HSPG2: variants seen among roughly 807,000 people sequenced by gnomAD.
HSPG2 encodes heparan sulfate proteoglycan 2.
In HSPG2, 278 loss-of-function variants were observed where a neutral mutation model predicts 526.6. The ratio of observed to expected loss-of-function variants is 0.53; its 90% CI spans 0.48 to 0.58. HSPG2 has a LOEUF of 0.58. Among genes scored for constraint, HSPG2 ranks in the 20% least tolerant of loss-of-function variants. The pLI is 0.00. For synonymous variants in HSPG2, 2,465 were observed against 2,555.4 expected, an observed-to-expected ratio of 0.96 and a Z score of 1.07; for missense variants, 5,354 against 6,099.5, an observed-to-expected ratio of 0.88 and a Z score of 4.07.
chr1:21,835,738 C>G, intron 75 of HSPG2, 101 bp from the exon 76 acceptor site: 1 of 826,166 alleles, frequency 1.2e-6, no homozygotes, highest in South Asian at 1.4e-5. Flanking sequence ...AATCCCAGCA[C>G]TTTGGGAGGC....
chr1:21,910,958 G>C (rs1447308780), intron 1 of HSPG2, among the ~76,000 whole-genome samples: 1 of 152,186 alleles, frequency 6.6e-6, no homozygotes, highest in African/African-American at 2.4e-5. Flanking sequence ...AAATGGCCAA[G>C]CTGGGAGTCA....
At chr1:21,896,768 T>C (rs1553175455) in intron 1 of HSPG2, among the ~76,000 whole-genome samples, 1 of 152,100 alleles carries the variant, frequency 6.6e-6, no homozygotes, top group Non-Finnish European at 1.5e-5. Flanking sequence ...GGCGAGCTGC[T>C]CAAAGCCGTT....
At chr1:21,833,979 C>T in intron 77 of HSPG2, 54 bp from the exon 78 acceptor site, 1 of 1,183,636 alleles carries the variant, frequency 8.4e-7, no homozygotes, top group Non-Finnish European at 1.2e-6. Context: ...CAGATATGTG[C>T]CCAGCCTGCA....
intron 1 of HSPG2, among the ~76,000 whole-genome samples, chr1:21,932,290 G>A (rs1020810732): frequency 1.3e-5 from 2 of 152,166 alleles, no homozygotes; most frequent in African/African-American, 4.8e-5. Context: ...AGTACGTGGC[G>A]TGATTAGGAG....
chr1:21,860,307 C>T lies in HSPG2; in HGVS notation c.4956-72G>A. On this transcript the variant is annotated intron_variant, in intron 39 of 96. Coordinates refer to ENST00000374695, the MANE Select transcript of HSPG2 (RefSeq NM_005529.7). ...AGTGCCTCATGGTGGACTTGGGGAG[C>T]CAGAAGCTCAGCAGGCCACCCAATG... The T allele has an allele frequency of 2.1e-6, 3 of 1,440,746 alleles. No individual in the cohort carries two copies. In the South Asian group the frequency reaches 3.6e-5, roughly 18 times the overall value. The allele number at this position is 1,440,746 out of a possible 1,614,324, so 89.2% of individuals were successfully genotyped here. A position where few individuals can be genotyped will look rare whatever the true frequency, so the allele number is the denominator to read the frequency against.
rs202182041 is a variant in HSPG2, at chr1:21,889,848, G to A, written c.574+133C>T. On this transcript the variant is annotated intron_variant, in intron 6 of 96. Transcript: ENST00000374695. ...AGCCAAGATTGTGTAAAGATCGATG[G>A]GGCAGACTCAGGAGTAGTGAGCTCC... 3.2e-5 allele frequency: 29 copies of A among 902,340 alleles called. No homozygotes were observed. In the East Asian group the frequency reaches 7.0e-4, roughly 22 times the overall value. The allele number at this position is 902,340 out of a possible 1,614,324, so 55.9% of individuals were successfully genotyped here.
intron 1 of HSPG2, among the ~76,000 whole-genome samples, chr1:21,907,569 G>C (rs532534290): frequency 3.3e-4 from 50 of 152,246 alleles, no homozygotes; most frequent in African/African-American, 1.1e-3. Context: ...GTTCTGCTCT[G>C]TCGCCCAGGC....
chr1:21,917,910 G>A (rs1643926993), intron 1 of HSPG2, among the ~76,000 whole-genome samples: 1 of 151,690 alleles, frequency 6.6e-6, no homozygotes, highest in East Asian at 1.9e-4. Flanking sequence ...CTCTCCTGCT[G>A]GAACCAAAGC....
At chr1:21,861,486 TA>T (rs34107180) in intron 39 of HSPG2, among the ~76,000 whole-genome samples, 4 of 16,254 alleles carry the variant, frequency 2.5e-4, no homozygotes, top group African/African-American at 2.9e-4. Flanking sequence ...TGTCTCAGTT[TA>T]AAAAAAAAAA....
chr1:21,855,557 C>T lies in HSPG2; in HGVS notation c.5820G>A (p.Gly1940=), dbSNP rs1312711941. 3 of 1,603,294 alleles carry T rather than the reference C, an allele frequency of 1.9e-6. No individual in the cohort carries two copies. The African/African-American group carries it at 4.0e-5, about 21-fold the overall frequency. ...QYLCRAHSSA[G]QQVARAVLHV... ...GGAGCACAGCCCTGGCCACCTGCTGCCCAGCGCTGCTGTGGGCTCGGCACA... is the reference window on the plus strand; with the variant it reads ...GGAGCACAGCCCTGGCCACCTGCTGTCCAGCGCTGCTGTGGGCTCGGCACA... The change falls in exon 46 of 97, where the codon GGG becomes GGA. Residue 1940 remains glycine (G), a synonymous_variant. Coordinates refer to ENST00000374695, the MANE Select transcript of HSPG2 (RefSeq NM_005529.7).
At chr1:21,900,954 T>C in intron 1 of HSPG2, among the ~76,000 whole-genome samples, 1 of 151,916 alleles carries the variant, frequency 6.6e-6, no homozygotes, top group South Asian at 2.1e-4. Flanking sequence ...CTATTCAGAG[T>C]GTGTTCACTC....
At position 21,889,977 on chromosome 1, in the gene HSPG2, T is replaced by C; in HGVS notation, c.574+4A>G. 6.2e-7 allele frequency: 1 copy of C among 1,613,896 alleles called. No individual in the cohort carries two copies. The highest frequency in any genetic ancestry group is 8.5e-7 in the Non-Finnish European group (1 of 1,179,916). On this transcript the variant is annotated splice_donor_region_variant and intron_variant, in intron 6 of 96. Transcript: ENST00000374695. ...GGCGATCCCAGACACCAGGATAGGC[T>C]CACCTGTGCCCAGGCGTCGGAACTG...
intron 1 of HSPG2, among the ~76,000 whole-genome samples, chr1:21,935,463 T>C (rs1644464540): frequency 6.6e-6 from 1 of 152,220 alleles, no homozygotes. Flanking sequence ...GGTTCACTGG[T>C]TCACTGGCAC....
At position 21,865,014 on chromosome 1, in the gene HSPG2, C is replaced by T. The variant is rs766165067; in HGVS notation, c.4455G>A (p.Leu1485=). Residue 1485 remains leucine (L), a synonymous_variant, in exon 36 of 97, where the codon CTG becomes CTA. Coordinates refer to ENST00000374695, the MANE Select transcript of HSPG2 (RefSeq NM_005529.7). The surrounding 1 kb of genome is among the most constrained non-coding windows in gnomAD (Gnocchi z 5.4). ...GGATCAGGAGCTCATCCAGGTCGGC[C>T]AGTGCCATCAGGAGGTGCTCGCGTG... The part of the protein sequence containing the change: ...PATREHLLMA[L]ADLDELLIRA... The T allele has an allele frequency of 4.4e-6, 7 of 1,577,516 alleles. No homozygotes were observed. The highest frequency in any genetic ancestry group is 6.0e-6 in the Non-Finnish European group (7 of 1,164,156).
In HSPG2 at chr1:21,838,832, G is replaced by C; in HGVS notation, c.10143C>G (p.Leu3381=). The C allele has an allele frequency of 6.2e-7, 1 of 1,612,076 alleles. No homozygotes were observed. Among genetic ancestry groups the C allele is most frequent in the Non-Finnish European group, 8.5e-7 (1 of 1,179,578 alleles). Residue 3381 remains leucine, a synonymous_variant, in exon 74 of 97, where the codon CTC becomes CTG. Transcript: ENST00000374695. ...AGAGCCGGGGCTGCTTACCTTGGACGAGCAGCTGGGCAAAGGCCTCGGCTG... is the reference window on the plus strand; with the variant it reads ...AGAGCCGGGGCTGCTTACCTTGGACCAGCAGCTGGGCAAAGGCCTCGGCTG... ...VGSAEAFAQL[L]VQGPPGSLPA... is the part of the protein sequence containing the mutation.
chr1:21,880,309 C>A (rs1303385948), intron 16 of HSPG2, 54 bp downstream of exon 16: 1 of 1,613,662 alleles, frequency 6.2e-7, no homozygotes, highest in Non-Finnish European at 8.5e-7. Context: ...CCTGCCGTTT[C>A]TCCTCTATCC....
rs946915467 is a variant in HSPG2, at chr1:21,898,766, G to T, written c.64-2456C>A. On this transcript the variant is annotated intron_variant, in intron 1 of 96. Transcript: ENST00000374695. This position sits in a 1 kb window ranked among gnomAD's most constrained non-coding sequence, Gnocchi z 4.0. ...AGGGGTCCCCTCAACCTGGTGGGGG[G>T]CTCTGTCAATGCCAATCCCCCTCTC... Among the ~76,000 whole-genome samples, 3 of 152,200 alleles carry T rather than the reference G, an allele frequency of 2.0e-5. No individual in the cohort carries two copies. Among genetic ancestry groups the T allele is most frequent in the Admixed American group, 6.5e-5 (1 of 15,284 alleles).
chr1:21,929,064 C>G (rs527662020), intron 1 of HSPG2, among the ~76,000 whole-genome samples: 46 of 152,296 alleles, frequency 3.0e-4, no homozygotes, highest in African/African-American at 1.1e-3. Context: ...CCCAGCCTCA[C>G]TTGAAGTTTT....
rs1341298449 is a variant in HSPG2 at position 21,823,411 on chromosome 1, G to A, written c.13081C>T (p.Leu4361=). 2 of 1,580,536 alleles carry A rather than the reference G, an allele frequency of 1.3e-6. No homozygotes were observed. The highest frequency in any genetic ancestry group is 1.7e-6 in the Non-Finnish European group (2 of 1,168,188). ...GGGGCGCCGGGTCGGGCCGAGTGCA[G>A]CACCAGGTTCTTGACACAGCCTGTG... ...GITGCVKNLV[L]HSARPGAPPP... is the part of the protein sequence containing the mutation. Residue 4361 remains leucine, a synonymous_variant, in exon 97 of 97, where the codon CTG becomes TTG. Coordinates refer to ENST00000374695, the MANE Select transcript of HSPG2 (RefSeq NM_005529.7).
Sources: gnomAD v4.1 joint callset for allele counts (sites outside exome capture counted in the v4.1 genomes callset) on GRCh38, gnomAD v4.1.1 for gene constraint, Gnocchi (gnomAD v3.1) non-coding constraint, MANE v1.5 for transcripts, NCBI Gene and HGNC (gene_info 2026-07-23, HGNC 2026-07-21) for gene names.